SLC30A7: variants seen among roughly 807,000 people sequenced by gnomAD.
SLC30A7 encodes solute carrier family 30 member 7.
Under a neutral mutation model 46.0 loss-of-function variants are expected in SLC30A7, and 35 were observed. The observed-to-expected ratio is 0.76, with a 90% CI of 0.58 to 1.01. The LOEUF (loss-of-function observed/expected upper bound fraction) is 1.01. SLC30A7 is among the 50% of genes least tolerant of loss of function. The pLI, the probability that SLC30A7 is intolerant of heterozygous loss-of-function variation, is 0.00. For missense variants in SLC30A7, 464 were observed against 451.1 expected (o/e 1.03, Z -0.26); for synonymous variants, 147 against 157.8 (o/e 0.93, Z 0.51).
chr1:100,910,000 G>A (rs1199807547), intron 3 of SLC30A7, among the ~76,000 whole-genome samples: 2 of 152,066 alleles, frequency 1.3e-5, no homozygotes, highest in Admixed American at 6.5e-5. Context: ...CAAGTAATAC[G>A]TTATTTGGAT....
chr1:100,912,354 A>T, intron 5 of SLC30A7, 116 bp downstream of exon 5: 7 of 1,181,874 alleles, frequency 5.9e-6, no homozygotes, highest in Non-Finnish European at 8.5e-6. Flanking sequence ...GACTATGTGA[A>T]TATCTTCCTG....
Position 100,905,649 on chromosome 1 carries a change from CCTAA to C in SLC30A7, c.183-1200_183-1197del, listed in dbSNP as rs556103763. Among the ~76,000 whole-genome samples the C allele has an allele frequency of 4.6e-5, 7 of 152,168 alleles. No homozygotes were observed. The South Asian group carries it at 1.2e-3, about 27-fold the overall frequency. On this transcript the variant is annotated intron_variant, in intron 2 of 10. Coordinates refer to ENST00000357650, the MANE Select transcript of SLC30A7 (RefSeq NM_133496.5). ...TTGCACTTTGTTTAACTTCTTTTGA[CCTAA>C]CTGATTCTTTCTCTCTGTGTCCAGT...
chr1:100,972,362 C>CTT, intron 10 of SLC30A7: 23 of 224,052 alleles, frequency 1.0e-4, no homozygotes, highest in South Asian at 3.6e-4. Context: ...ACTTTTTTTT[C>CTT]TTTTTTTTTT....
chr1:100,927,607 T>C (rs1653390226), intron 8 of SLC30A7, among the ~76,000 whole-genome samples: 1 of 152,198 alleles, frequency 6.6e-6, no homozygotes, highest in African/African-American at 2.4e-5. Context: ...GAATTTAAAG[T>C]GCAAACAACC....
At position 100,970,196 on chromosome 1, in the gene SLC30A7, T is replaced by C. The variant is rs151097431; in HGVS notation, c.1083+4278T>C. Among the ~76,000 whole-genome samples the C allele has an allele frequency of 7.7e-3, 1,179 of 152,218 alleles. 12 individuals carry two copies. The highest frequency in any genetic ancestry group is 0.027 in the African/African-American group (1,115 of 41,554). ...TTCAATAATAAGTTATAGCTTTTGA[T>C]TTATTACATTTTTAGGTATCTTTCT... On this transcript the variant is annotated intron_variant, in intron 10 of 10. Coordinates refer to ENST00000357650, the MANE Select transcript of SLC30A7 (RefSeq NM_133496.5).
At chr1:100,953,960 C>CT (rs2101074690) in intron 8 of SLC30A7, among the ~76,000 whole-genome samples, 1 of 152,170 alleles carries the variant, frequency 6.6e-6, no homozygotes, top group Admixed American at 6.5e-5. Flanking sequence ...ATTAGAGGTT[C>CT]TTTTTTAGAT....
chr1:100,978,705 T>A lies in SLC30A7; in HGVS notation c.*3848T>A, dbSNP rs904300015. On this transcript the variant is annotated 3_prime_UTR_variant, in exon 11 of 11. Coordinates refer to ENST00000357650, the MANE Select transcript of SLC30A7 (RefSeq NM_133496.5). Reference sequence around the variant, plus strand: ...AAATATGATTTGTAAATAAAGGACATCTGACCTCCTTTTTTGGTACATTAA... The same window carrying A: ...AAATATGATTTGTAAATAAAGGACAACTGACCTCCTTTTTTGGTACATTAA... 4.6e-5 allele frequency: 7 copies of A among 152,216 alleles called. No homozygotes were observed. Among genetic ancestry groups the A allele is most frequent in the African/African-American group, 1.4e-4 (6 of 41,468 alleles). The allele number at this position is 152,216 out of a possible 1,614,324, so 9.4% of individuals were successfully genotyped here.
chr1:100,940,583 C>T (rs924698319), intron 8 of SLC30A7, among the ~76,000 whole-genome samples: 1 of 152,134 alleles, frequency 6.6e-6, no homozygotes, highest in African/African-American at 2.4e-5. Context: ...AAGAGACTAA[C>T]TTCCTGATAG....
At chr1:100,931,020 G>A (rs763694117) in intron 8 of SLC30A7, among the ~76,000 whole-genome samples, 16 of 152,040 alleles carry the variant, frequency 1.1e-4, no homozygotes, top group African/African-American at 2.9e-4. Flanking sequence ...AGAAATAGTC[G>A]CTAAAATCAT....
chr1:100,909,106 G>A (rs985080151), intron 3 of SLC30A7, among the ~76,000 whole-genome samples: 4 of 151,482 alleles, frequency 2.6e-5, no homozygotes, highest in African/African-American at 9.7e-5. Flanking sequence ...ATAAAAGCTG[G>A]TACAATATTT....
chr1:100,946,323 G>A (rs6678485), intron 8 of SLC30A7, among the ~76,000 whole-genome samples: 3,444 of 152,256 alleles, frequency 0.023, 119 homozygotes, highest in African/African-American at 0.075. Context: ...CCAACACTAT[G>A]TTGAACAGGA....
In SLC30A7 at chr1:100,974,826, T is replaced by C; in HGVS notation, c.1100T>C (p.Leu367Pro). The change falls in exon 11 of 11, where the codon CTC becomes CCC. Residue 367 changes from leucine (L) to proline (P), a missense_variant. Transcript: ENST00000357650. The stretch of plus-strand genomic sequence containing the variant: ...ACTTTTCAGGCTGGAGTGAGACAGC[T>C]CTACGTACAGATTGACTTTGCAGCC... ...NIFTQAGVRQ[L>P]YVQIDFAAM 1.3e-6 allele frequency: 2 copies of C among 1,598,098 alleles called. No homozygotes were observed. Among genetic ancestry groups the C allele is most frequent in the Non-Finnish European group, 1.7e-6 (2 of 1,168,942 alleles).
chr1:100,948,448 G>T (rs564359479), intron 8 of SLC30A7, among the ~76,000 whole-genome samples: 1 of 152,176 alleles, frequency 6.6e-6, no homozygotes, highest in Admixed American at 6.5e-5. Flanking sequence ...TGGGTAACCC[G>T]ACCTTTCTCT....
chr1:100,942,320 T>C (rs777703319), intron 8 of SLC30A7, among the ~76,000 whole-genome samples: 5 of 152,192 alleles, frequency 3.3e-5, no homozygotes, highest in Non-Finnish European at 5.9e-5. Flanking sequence ...TTTGGGAATA[T>C]ATCCCAAAGG....
At chr1:100,935,869 T>C (rs1653931937) in intron 8 of SLC30A7, among the ~76,000 whole-genome samples, 1 of 152,140 alleles carries the variant, frequency 6.6e-6, no homozygotes, top group African/African-American at 2.4e-5. Flanking sequence ...TATCATTACT[T>C]TAGTCATCCC....
At chr1:100,898,002 G>A (rs1651076595) in intron 2 of SLC30A7, among the ~76,000 whole-genome samples, 2 of 152,080 alleles carry the variant, frequency 1.3e-5, no homozygotes, top group Non-Finnish European at 2.9e-5. Context: ...AATATTTACA[G>A]TATATTTTAC....
At chr1:100,956,759 C>G (rs959737307) in intron 8 of SLC30A7, among the ~76,000 whole-genome samples, 4 of 152,168 alleles carry the variant, frequency 2.6e-5, no homozygotes, top group African/African-American at 4.8e-5. Flanking sequence ...CTCTTCTATT[C>G]CTTTTTCTCT....
chr1:100,901,725 C>T (rs542028343), intron 2 of SLC30A7, among the ~76,000 whole-genome samples: 150 of 152,182 alleles, frequency 9.9e-4, no homozygotes, highest in African/African-American at 3.5e-3. Flanking sequence ...ATTATAGGCA[C>T]GAGCCACTGC....
Position 100,944,785 on chromosome 1 carries a change from A to G in SLC30A7, c.843-17043A>G, listed in dbSNP as rs190877809. 3.3e-5 allele frequency among the ~76,000 whole-genome samples: 5 copies of G among 152,046 alleles called. No homozygotes were observed. In the South Asian group the frequency reaches 6.3e-4, roughly 19 times the overall value. On this transcript the variant is annotated intron_variant, in intron 8 of 10. Transcript: ENST00000357650. ...TAAACATACGTGTGCATGTGTCTTTATAGTAGCATGATTTATAATCCTTTG... is the reference window on the plus strand; with the variant it reads ...TAAACATACGTGTGCATGTGTCTTTGTAGTAGCATGATTTATAATCCTTTG...
Sources: gnomAD v4.1 joint callset for allele counts (sites outside exome capture counted in the v4.1 genomes callset) on GRCh38, gnomAD v4.1.1 for gene constraint, MANE v1.5 for transcripts, NCBI Gene and HGNC (gene_info 2026-07-23, HGNC 2026-07-21) for gene names.